GRIK4: variants seen among roughly 807,000 people sequenced by gnomAD.
The protein encoded by GRIK4 is glutamate ionotropic receptor kainate type subunit 4.
GRIK4 carries 40 observed loss-of-function variants against 104.9 expected under a neutral mutation model. That is an observed-to-expected ratio of 0.38 (90% CI 0.30 to 0.50). The LOEUF (loss-of-function observed/expected upper bound fraction) is 0.50. Among genes scored for constraint, GRIK4 ranks in the 20% least tolerant of loss-of-function variants. The pLI is 0.93. For synonymous variants in GRIK4, 485 were observed against 524.9 expected, an observed-to-expected ratio of 0.92 and a Z score of 1.04; for missense variants, 1,047 against 1,308.1, an observed-to-expected ratio of 0.80 and a Z score of 3.08.
At chr11:120,761,859 G>A (rs1397981339) in intron 3 of GRIK4, among the ~76,000 whole-genome samples, 1 of 152,164 alleles carries the variant, frequency 6.6e-6, no homozygotes, top group Non-Finnish European at 1.5e-5. Context: ...TAGCCTTGTA[G>A]CATAGTTTGA....
intron 3 of GRIK4, among the ~76,000 whole-genome samples, chr11:120,709,273 C>T (rs1184859946): frequency 1.3e-5 from 2 of 151,994 alleles, no homozygotes; most frequent in East Asian, 1.9e-4. Flanking sequence ...CATTCTAGAT[C>T]TAGTTTCTAC....
intron 3 of GRIK4, among the ~76,000 whole-genome samples, chr11:120,788,873 G>T (rs114668181): frequency 1.6e-3 from 237 of 151,702 alleles, no homozygotes; most frequent in African/African-American, 5.6e-3. Context: ...TCCTCCACCT[G>T]CTGCCATCTA....
chr11:120,670,869 C>T (rs143093491), intron 3 of GRIK4, among the ~76,000 whole-genome samples: 218 of 152,152 alleles, frequency 1.4e-3, no homozygotes, highest in African/African-American at 4.8e-3. Flanking sequence ...CCCCACCCCT[C>T]GACAGGCCCC....
At chr11:120,840,809 G>T (rs547278399) in intron 8 of GRIK4, among the ~76,000 whole-genome samples, 65 of 152,192 alleles carry the variant, frequency 4.3e-4, no homozygotes, top group African/African-American at 1.5e-3. Context: ...TCTTAGTGTT[G>T]TACAACCATC....
At chr11:120,581,533 G>C (rs1345535322) in intron 1 of GRIK4, among the ~76,000 whole-genome samples, 3 of 152,154 alleles carry the variant, frequency 2.0e-5, no homozygotes, top group African/African-American at 7.2e-5. Flanking sequence ...TTGCAAAACT[G>C]AAACTCTGTA....
intron 3 of GRIK4, among the ~76,000 whole-genome samples, chr11:120,787,179 A>G (rs1042788431): frequency 1.3e-5 from 2 of 151,804 alleles, no homozygotes; most frequent in Admixed American, 6.6e-5. Flanking sequence ...AAAAATACGA[A>G]AATTAGCCAG....
chr11:120,927,603 A>AAAGG (rs1555096072), intron 13 of GRIK4, among the ~76,000 whole-genome samples: 1 of 151,594 alleles, frequency 6.6e-6, no homozygotes, highest in Non-Finnish European at 1.5e-5. Flanking sequence ...AGAAAGAAAG[A>AAAGG]AAGGAAAAAT....
chr11:120,882,467 G>A (rs1207059514), intron 11 of GRIK4, among the ~76,000 whole-genome samples: 1 of 152,154 alleles, frequency 6.6e-6, no homozygotes, highest in African/African-American at 2.4e-5. Context: ...GAGGCTGCTT[G>A]ACAGGCGATT....
At chr11:120,755,351 A>G (rs984509365) in intron 3 of GRIK4, among the ~76,000 whole-genome samples, 3 of 152,170 alleles carry the variant, frequency 2.0e-5, no homozygotes, top group Non-Finnish European at 4.4e-5. Context: ...TCACACCTAT[A>G]ATCCCAGCAC....
Position 120,731,630 on chromosome 11 carries a change from G to A in GRIK4, c.83-71063G>A, listed in dbSNP as rs577704781. Among the ~76,000 whole-genome samples the A allele has an allele frequency of 4.6e-5, 7 of 152,262 alleles. No individual in the cohort carries two copies. In the East Asian group the frequency reaches 1.3e-3, roughly 29 times the overall value. ...TTTCCTGTTTTTTGGAATAGTTTGA[G>A]TAGAATTAGTATTAGTTCTTTAAAT... On this transcript the variant is annotated intron_variant, in intron 3 of 20. Transcript: ENST00000527524.
chr11:120,629,897 G>A (rs1949312575), intron 1 of GRIK4, among the ~76,000 whole-genome samples: 1 of 152,184 alleles, frequency 6.6e-6, no homozygotes. Context: ...CTGCTGACGG[G>A]GCCTGTCCCA....
chr11:120,564,165 C>G (rs1036053439), intron 1 of GRIK4, among the ~76,000 whole-genome samples: 2 of 152,198 alleles, frequency 1.3e-5, no homozygotes, highest in African/African-American at 4.8e-5. Flanking sequence ...TCCCTCTCCC[C>G]ACGTGCGCGC....
At chr11:120,682,193 CCTGGTGTCTCTCAGAGCACAGG>C (rs111284500) in intron 3 of GRIK4, among the ~76,000 whole-genome samples, 3 of 152,304 alleles carry the variant, frequency 2.0e-5, no homozygotes, top group Admixed American at 6.5e-5. Context: ...AAATGCAAAT[CCTGGTGTCTCTCAGAGCACAGG>C]CTGGAAAGAA....
Position 120,819,835 on chromosome 11 carries a change from C to G in GRIK4, c.426C>G (p.Ser142Arg), listed in dbSNP as rs753972970. The change falls in exon 6 of 21, where the codon AGC (serine) becomes AGG (arginine). Residue 142 changes from serine (S) to arginine (R), a missense_variant. Ser to Arg is a moderately radical substitution (Grantham distance 110). Coordinates refer to ENST00000527524, the MANE Select transcript of GRIK4 (RefSeq NM_014619.5). This position sits in a 1 kb window ranked among gnomAD's most constrained non-coding sequence, Gnocchi z 4.3. The stretch of plus-strand genomic sequence containing the variant: ...TCACAACCCTGAACCTCCACCCCAG[C>G]AACACTGACATCAGCGTGGCTGTAG... ...QRFTTLNLHPSNTDISVAVAG... is the reference protein window; with the variant it reads ...QRFTTLNLHPRNTDISVAVAG... 2 of 1,614,046 alleles carry G rather than the reference C, an allele frequency of 1.2e-6. No individual in the cohort carries two copies. The highest frequency in any genetic ancestry group is 1.1e-5 in the South Asian group (1 of 91,084).
intron 13 of GRIK4, among the ~76,000 whole-genome samples, chr11:120,918,388 C>A (rs1479687109): frequency 1.3e-5 from 2 of 152,202 alleles, no homozygotes; most frequent in Non-Finnish European, 2.9e-5. Context: ...TGCATTGATT[C>A]CATATTGGTT....
chr11:120,685,407 C>T (rs879042585), intron 3 of GRIK4, among the ~76,000 whole-genome samples: 5 of 152,208 alleles, frequency 3.3e-5, no homozygotes, highest in Non-Finnish European at 7.3e-5. Flanking sequence ...ATGTAGGGCT[C>T]TTCTGGGATA....
At chr11:120,889,196 T>C (rs559026949) in intron 11 of GRIK4, among the ~76,000 whole-genome samples, 1 of 152,312 alleles carries the variant, frequency 6.6e-6, no homozygotes, top group African/African-American at 2.4e-5. Context: ...ATTGGAGATA[T>C]TAGATTTAAA....
rs1952646695 is a variant in GRIK4 at position 120,802,862 on chromosome 11, G to A, written c.247+5G>A. 3.7e-6 allele frequency: 6 copies of A among 1,612,744 alleles called. No individual in the cohort carries two copies. The highest frequency in any genetic ancestry group is 4.2e-6 in the Non-Finnish European group (5 of 1,178,836). On this transcript the variant is annotated splice_donor_5th_base_variant and intron_variant, in intron 4 of 20. Coordinates refer to ENST00000527524, the MANE Select transcript of GRIK4 (RefSeq NM_014619.5). ...AGTACGAGACTGCAGAAACCAGTAC[G>A]TAGACTGGGCAGGGCTGCCTCTTCC...
At chr11:120,680,156 C>T (rs372308397) in intron 3 of GRIK4, among the ~76,000 whole-genome samples, 57 of 152,302 alleles carry the variant, frequency 3.7e-4, no homozygotes, top group African/African-American at 1.3e-3. Context: ...TAGCTCATTG[C>T]AACTGCCACC....
Sources: allele counts gnomAD v4.1 joint callset (sites outside exome capture counted in the v4.1 genomes callset), GRCh38; gene constraint gnomAD v4.1.1; non-coding constraint Gnocchi (gnomAD v3.1); transcripts MANE v1.5; gene names NCBI Gene and HGNC (gene_info 2026-07-23, HGNC 2026-07-21).